Variants in RALGAPA2 observed in about 807,000 individuals in gnomAD.
RALGAPA2 encodes Ral GTPase activating protein catalytic subunit alpha 2.
RALGAPA2 carries 139 observed loss-of-function variants against 230.4 expected under a neutral mutation model. The ratio of observed to expected loss-of-function variants is 0.60; its 90% CI spans 0.53 to 0.69. The LOEUF is 0.69. RALGAPA2 is among the 30% of genes least tolerant of loss of function. The pLI is 0.00. For missense variants in RALGAPA2, 2,163 were observed against 2,276.0 expected (o/e 0.95, Z 1.01); for synonymous variants, 847 against 837.8 (o/e 1.01, Z -0.19).
At chr20:20,501,849 C>G (rs2062385932) in intron 35 of RALGAPA2, among the ~76,000 whole-genome samples, 1 of 152,080 alleles carries the variant, frequency 6.6e-6, no homozygotes. Flanking sequence ...GGCCTAATTT[C>G]ACTACTATTG....
chr20:20,696,082 G>A (rs1453823585), intron 1 of RALGAPA2, among the ~76,000 whole-genome samples: 5 of 152,204 alleles, frequency 3.3e-5, no homozygotes, highest in African/African-American at 7.2e-5. Flanking sequence ...AGCTCAGGCC[G>A]CTGTGTGGGC....
At chr20:20,706,746 T>G (rs2069624551) in intron 1 of RALGAPA2, among the ~76,000 whole-genome samples, 1 of 152,200 alleles carries the variant, frequency 6.6e-6, no homozygotes, top group Non-Finnish European at 1.5e-5. Context: ...ATAAATACAT[T>G]TTCTGATATG....
chr20:20,404,502 C>G (rs113734207), intron 38 of RALGAPA2, among the ~76,000 whole-genome samples: 24 of 152,312 alleles, frequency 1.6e-4, no homozygotes, highest in African/African-American at 5.8e-4. Context: ...GGCCCCTCAG[C>G]AGCTGAGGTT....
In RALGAPA2 at chr20:20,583,051, T is replaced by C; in HGVS notation, c.2706A>G (p.Thr902=). 6.2e-7 allele frequency: 1 copy of C among 1,612,968 alleles called. No homozygotes were observed. The highest frequency in any genetic ancestry group is 8.5e-7 in the Non-Finnish European group (1 of 1,179,372). The change falls in exon 20 of 40, where the codon ACA becomes ACG. Residue 902 remains threonine (T), a splice_region_variant and synonymous_variant. Transcript: ENST00000202677. ...CCTCTTTTTCAAAATGCAATTTACC[T>C]GTTAAATTTGAAGCATCGGTGGGAC... The part of the protein sequence containing the change: ...QLSPTDASNL[T]DSSECLTDDC...
At chr20:20,624,847 A>G (rs2066441529) in intron 10 of RALGAPA2, among the ~76,000 whole-genome samples, 1 of 152,158 alleles carries the variant, frequency 6.6e-6, no homozygotes, top group African/African-American at 2.4e-5. Flanking sequence ...TCTTCTGTTA[A>G]ATTCAAGTAA....
chr20:20,581,720 C>T (rs1471081415), intron 20 of RALGAPA2, among the ~76,000 whole-genome samples: 2 of 151,980 alleles, frequency 1.3e-5, no homozygotes, highest in African/African-American at 2.4e-5. Flanking sequence ...TGAATACCAC[C>T]TTCATATGTT....
intron 26 of RALGAPA2, 130 bp downstream of exon 26, chr20:20,535,615 C>A: frequency 7.7e-7 from 1 of 1,302,104 alleles, no homozygotes; most frequent in Non-Finnish European, 1.0e-6. Context: ...TGGCATCATT[C>A]TTCCTAGACT....
intron 15 of RALGAPA2, 29 bp downstream of exon 15, chr20:20,605,146 C>G (rs369790098): frequency 6.5e-7 from 1 of 1,540,856 alleles, no homozygotes; most frequent in Non-Finnish European, 8.9e-7. Context: ...TCCTAGACAT[C>G]TGGTGTTAAC....
chr20:20,694,951 A>G (rs2069054683), intron 1 of RALGAPA2, among the ~76,000 whole-genome samples: 1 of 152,204 alleles, frequency 6.6e-6, no homozygotes, highest in African/African-American at 2.4e-5. Flanking sequence ...TGAGTATGTA[A>G]AATTGTAGAA....
intron 33 of RALGAPA2, among the ~76,000 whole-genome samples, chr20:20,510,806 T>C (rs1274024576): frequency 6.6e-6 from 1 of 152,224 alleles, no homozygotes; most frequent in Non-Finnish European, 1.5e-5. Context: ...ACACTGGTTT[T>C]AACCTTTCCA....
At chr20:20,518,242 AGAT>A (rs1255438298) in intron 31 of RALGAPA2, among the ~76,000 whole-genome samples, 1 of 152,112 alleles carries the variant, frequency 6.6e-6, no homozygotes, top group Non-Finnish European at 1.5e-5. Context: ...TTTTTAGTAG[AGAT>A]AAGGTTTCAC....
Position 20,437,855 on chromosome 20 carries a change from C to A in RALGAPA2, c.5496-25707G>T, listed in dbSNP as rs1384230614. Among the ~76,000 whole-genome samples the A allele has an allele frequency of 1.3e-5, 2 of 152,202 alleles. No individual in the cohort carries two copies. The highest frequency in any genetic ancestry group is 4.8e-5 in the African/African-American group (2 of 41,440). Reference sequence around the variant, plus strand: ...AATGGAAGTTCCATGCGGGCAGGAACTGTGGTATATCTAGCACCCAGAGAA... The same window carrying A: ...AATGGAAGTTCCATGCGGGCAGGAAATGTGGTATATCTAGCACCCAGAGAA... On this transcript the variant is annotated intron_variant, in intron 37 of 39. Coordinates refer to ENST00000202677, the MANE Select transcript of RALGAPA2 (RefSeq NM_020343.4). This position sits in a 1 kb window ranked among gnomAD's most constrained non-coding sequence, Gnocchi z 4.1.
intron 1 of RALGAPA2, among the ~76,000 whole-genome samples, chr20:20,681,966 T>C (rs2068536326): frequency 6.6e-6 from 1 of 152,250 alleles, no homozygotes; most frequent in African/African-American, 2.4e-5. Flanking sequence ...CTTCAGTCTG[T>C]AACAGTGTGG....
At chr20:20,418,967 T>C (rs1046079325) in intron 37 of RALGAPA2, among the ~76,000 whole-genome samples, 17 of 152,218 alleles carry the variant, frequency 1.1e-4, no homozygotes, top group African/African-American at 3.9e-4. Context: ...CTTGAACTCC[T>C]GGCCTCAAGT....
At chr20:20,542,112 A>G (rs2063659139) in intron 24 of RALGAPA2, among the ~76,000 whole-genome samples, 1 of 152,178 alleles carries the variant, frequency 6.6e-6, no homozygotes. Flanking sequence ...CTATACACCA[A>G]TAATAGACAA....
At chr20:20,469,909 A>T (rs531904824) in intron 37 of RALGAPA2, among the ~76,000 whole-genome samples, 1 of 152,180 alleles carries the variant, frequency 6.6e-6, no homozygotes, top group Non-Finnish European at 1.5e-5. Context: ...TCAGAAAAGC[A>T]GTGGCCACAA....
chr20:20,453,724 A>T (rs2061041999), intron 37 of RALGAPA2, among the ~76,000 whole-genome samples: 1 of 152,160 alleles, frequency 6.6e-6, no homozygotes. Context: ...CTCTGTATTC[A>T]ACAAAGAGCC....
intron 37 of RALGAPA2, among the ~76,000 whole-genome samples, chr20:20,468,290 T>C (rs544603609): frequency 1.3e-5 from 2 of 152,314 alleles, no homozygotes; most frequent in South Asian, 4.1e-4. Context: ...TATATTTTGC[T>C]TTGGGCCTGT....
chr20:20,574,752 T>C (rs745403569), intron 20 of RALGAPA2, among the ~76,000 whole-genome samples: 51 of 152,238 alleles, frequency 3.4e-4, no homozygotes, highest in Non-Finnish European at 5.9e-4. Context: ...AGGCCCTTTT[T>C]AGACAATTCT....
Sources: gnomAD v4.1 joint callset for allele counts (sites outside exome capture counted in the v4.1 genomes callset) on GRCh38, gnomAD v4.1.1 for gene constraint, Gnocchi (gnomAD v3.1) non-coding constraint, MANE v1.5 for transcripts, NCBI Gene and HGNC (gene_info 2026-07-23, HGNC 2026-07-21) for gene names.